The following ADAM17 variants were observed in gnomAD, a reference collection of about 807,000 sequenced individuals.
The protein encoded by ADAM17 is ADAM metallopeptidase domain 17.
Under a neutral mutation model 96.7 loss-of-function variants are expected in ADAM17, and 39 were observed. That is an observed-to-expected ratio of 0.40 (90% CI 0.31 to 0.53). The LOEUF (loss-of-function observed/expected upper bound fraction) is 0.53. ADAM17 is among the 20% of genes least tolerant of loss of function. The pLI is 0.44. For synonymous variants in ADAM17, 344 were observed against 359.2 expected (o/e 0.96, Z 0.48); for missense variants, 777 against 1,013.2 (o/e 0.77, Z 3.17).
At chr2:9,504,560 T>G (rs558401473) in intron 12 of ADAM17, among the ~76,000 whole-genome samples, 2 of 151,186 alleles carry the variant, frequency 1.3e-5, no homozygotes, top group East Asian at 3.9e-4. Flanking sequence ...AGGTCAGGAG[T>G]TGGAGACCAT....
intron 1 of ADAM17, among the ~76,000 whole-genome samples, chr2:9,554,016 T>A (rs919269063): frequency 1.3e-5 from 2 of 152,082 alleles, no homozygotes; most frequent in Non-Finnish European, 1.5e-5. Context: ...TGAGCTGAGA[T>A]CGCGCCACTG....
At chr2:9,553,007 T>G (rs1222275980) in intron 1 of ADAM17, among the ~76,000 whole-genome samples, 1 of 152,188 alleles carries the variant, frequency 6.6e-6, no homozygotes, top group East Asian at 1.9e-4. Context: ...TTGCTAGTCT[T>G]GACCAACTCA....
intron 5 of ADAM17, 55 bp from the exon 6 acceptor site, chr2:9,526,299 T>A (rs763765409): frequency 5.8e-6 from 9 of 1,552,052 alleles, no homozygotes; most frequent in Non-Finnish European, 3.5e-6. Flanking sequence ...CAAGGAGTTT[T>A]ATGGTAACAC....
At chr2:9,508,042 C>T (rs1183303869) in intron 11 of ADAM17, among the ~76,000 whole-genome samples, 1 of 152,136 alleles carries the variant, frequency 6.6e-6, no homozygotes, top group Non-Finnish European at 1.5e-5. Context: ...TTTTGAAGAG[C>T]CCCAGAACTG....
At chr2:9,512,487 G>C (rs981501729) in intron 10 of ADAM17, 2 of 152,194 alleles carry the variant, frequency 1.3e-5, no homozygotes, top group African/African-American at 4.8e-5. Flanking sequence ...TTATAATGTT[G>C]GGGTGCTTTA....
chr2:9,491,016 G>T, intron 18 of ADAM17, 85 bp downstream of exon 18: 3 of 1,233,212 alleles, frequency 2.4e-6, no homozygotes, highest in Non-Finnish European at 3.5e-6. Flanking sequence ...GCCAGTGAAA[G>T]CTCTTGCTGG....
intron 13 of ADAM17, 64 bp from the exon 14 acceptor site, chr2:9,497,312 A>G (rs1572888704): frequency 1.9e-6 from 3 of 1,590,866 alleles, no homozygotes; most frequent in Non-Finnish European, 1.7e-6. Context: ...CTACAGGTGC[A>G]TAATACGCTG....
intron 1 of ADAM17, among the ~76,000 whole-genome samples, chr2:9,550,902 A>G (rs4346349): frequency 1.1e-5 from 1 of 87,548 alleles, no homozygotes; most frequent in Non-Finnish European, 2.4e-5. Flanking sequence ...TACTAAAAAT[A>G]CAAAAAAAAA....
chr2:9,521,755 GA>G (rs145191988), intron 7 of ADAM17: 12 of 140,124 alleles, frequency 8.6e-5, no homozygotes, highest in East Asian at 2.0e-4. Flanking sequence ...CTGCAAAGAA[GA>G]AAAAAAAAAG....
intron 4 of ADAM17, 89 bp from the exon 5 acceptor site, chr2:9,528,043 A>T (rs1664596991): frequency 5.5e-6 from 5 of 907,830 alleles, no homozygotes; most frequent in Middle Eastern, 3.6e-4. Context: ...TTGTTCTTAG[A>T]TAACATTCAT....
At chr2:9,539,108 T>C (rs1308184731) in intron 2 of ADAM17, among the ~76,000 whole-genome samples, 1 of 150,080 alleles carries the variant, frequency 6.7e-6, no homozygotes, top group Non-Finnish European at 1.5e-5. Flanking sequence ...GATAATTTCT[T>C]GATTTTTTTT....
intron 7 of ADAM17, among the ~76,000 whole-genome samples, chr2:9,522,966 G>C (rs541480924): frequency 6.6e-6 from 1 of 152,216 alleles, no homozygotes; most frequent in South Asian, 2.1e-4. Flanking sequence ...TCGGAGGGGG[G>C]AAGAAAACTA....
At chr2:9,524,940 C>A (rs1321279746) in intron 6 of ADAM17, among the ~76,000 whole-genome samples, 1 of 151,982 alleles carries the variant, frequency 6.6e-6, no homozygotes, top group Non-Finnish European at 1.5e-5. Flanking sequence ...ACAAGTTATG[C>A]CTAAGAAGTT....
chr2:9,518,333 C>T, intron 8 of ADAM17, 86 bp from the exon 9 acceptor site: 7 of 1,381,004 alleles, frequency 5.1e-6, no homozygotes, highest in South Asian at 1.6e-5. Context: ...TCTAAATCAA[C>T]TAAACATTCC....
chr2:9,553,325 T>A (rs1558529511), intron 1 of ADAM17, among the ~76,000 whole-genome samples: 1 of 152,160 alleles, frequency 6.6e-6, no homozygotes, highest in Non-Finnish European at 1.5e-5. Context: ...GTCTGATCTT[T>A]GTATTTCCAA....
chr2:9,553,474 G>C (rs1665645136), intron 1 of ADAM17, among the ~76,000 whole-genome samples: 1 of 151,650 alleles, frequency 6.6e-6, no homozygotes, highest in Admixed American at 6.6e-5. Flanking sequence ...AGGAGTTCGA[G>C]ACCAGCCTGA....
chr2:9,533,865 G>A (rs1450948027), intron 4 of ADAM17, among the ~76,000 whole-genome samples: 6 of 152,186 alleles, frequency 3.9e-5, no homozygotes, highest in African/African-American at 1.2e-4. Flanking sequence ...CAAGCCACAG[G>A]AGAGTAAGAA....
Position 9,520,964 on chromosome 2 carries a change from C to CAAAAAAAAAAAAAAAA in ADAM17, c.957+223_957+238dup, listed in dbSNP as rs55909096. 8.4e-3 allele frequency among the ~76,000 whole-genome samples: 219 copies of CAAAAAAAAAAAAAAAA among 26,222 alleles called. 9 individuals are homozygous for CAAAAAAAAAAAAAAAA. Among genetic ancestry groups the CAAAAAAAAAAAAAAAA allele is most frequent in the Non-Finnish European group, 0.012 (131 of 11,342 alleles). The allele number at this position is 26,222 out of a possible 152,430, so 17.2% of individuals were successfully genotyped here. ...GGGCAACAAGAGTGAAACTCTGTCT[C>CAAAAAAAAAAAAAAAA]AAAAAAAAAAAAAAAAAAAAAAGGA... On this transcript the variant is annotated intron_variant, in intron 8 of 18. Transcript: ENST00000310823.
At chr2:9,490,994 G>A in intron 18 of ADAM17, 107 bp downstream of exon 18, 1 of 972,492 alleles carries the variant, frequency 1.0e-6, no homozygotes, top group South Asian at 1.5e-5. Flanking sequence ...GCTGCAACAT[G>A]ACCTTCCATC....
Sources: gnomAD v4.1 joint callset for allele counts (sites outside exome capture counted in the v4.1 genomes callset) on GRCh38, gnomAD v4.1.1 for gene constraint, MANE v1.5 for transcripts, NCBI Gene and HGNC (gene_info 2026-07-23, HGNC 2026-07-21) for gene names.